GET1: variants seen among roughly 807,000 people sequenced by gnomAD.
GET1 encodes congenital heart disease 5 protein.
A neutral mutation model predicts 22.6 loss-of-function variants in GET1; 20 were observed. The observed-to-expected ratio is 0.89, with a 90% CI of 0.62 to 1.29. The LOEUF (loss-of-function observed/expected upper bound fraction) is 1.29. Among genes scored for constraint, GET1 ranks in the 50% most tolerant of loss-of-function variants. The pLI is 0.00. For synonymous variants in GET1, 92 were observed against 83.8 expected, an observed-to-expected ratio of 1.10 and a Z score of -0.53; for missense variants, 209 against 219.9, an observed-to-expected ratio of 0.95 and a Z score of 0.31.
rs567978037 is a variant in GET1, at chr21:39,387,697, C to G, written c.103-3001C>G. The G allele has an allele frequency of 2.8e-4, 217 of 767,768 alleles. 5 individuals carry two copies. In the South Asian group the frequency reaches 5.9e-3, roughly 21 times the overall value. 47.6% of individuals were successfully genotyped at this position (767,768 alleles called of 1,614,324 possible). A position where few individuals can be genotyped will look rare whatever the true frequency, so the allele number is the denominator to read the frequency against. Reference sequence around the variant, plus strand: ...CCCCCCCTACTCCCCACACTCCCCCCCCCCACTTTTGCCTCATCACGCAGG... The same window carrying G: ...CCCCCCCTACTCCCCACACTCCCCCGCCCCACTTTTGCCTCATCACGCAGG... On this transcript the variant is annotated intron_variant, in intron 1 of 4. Transcript: ENST00000649170.
At chr21:39,414,742 C>CTCTGTGTGTGTGTGTGTGTG (rs1341489035) in intron 1 of GET1, among the ~76,000 whole-genome samples, 47 of 99,226 alleles carry the variant, frequency 4.7e-4, no homozygotes, top group African/African-American at 2.0e-3. Context: ...CTCTCTCTCT[C>CTCTGTGTGTGTGTGTGTGTG]TGTGTGTGTG....
In GET1 at chr21:39,396,986, TC is replaced by T. The variant is rs748343169; in HGVS notation, c.*49del. On this transcript the variant is annotated 3_prime_UTR_variant, in exon 5 of 5. Coordinates refer to ENST00000649170, the MANE Select transcript of GET1 (RefSeq NM_004627.6). ...CGAGGCTAAAAAACGGATTTCCTCTTCCTAGCTTAAAATCTGATTTACACTG... is the reference window on the plus strand; with the variant it reads ...CGAGGCTAAAAAACGGATTTCCTCTTCTAGCTTAAAATCTGATTTACACTG... The T allele has an allele frequency of 3.1e-6, 5 of 1,595,510 alleles. No homozygotes were observed. In the Admixed American group the frequency reaches 5.1e-5, roughly 16 times the overall value.
Position 39,427,437 on chromosome 21 carries a change from C to T in GET1, c.*24-795C>T, listed in dbSNP as rs566743605. On this transcript the variant is annotated intron_variant, in intron 1 of 1. Transcript: ENST00000478273. The stretch of plus-strand genomic sequence containing the variant: ...CAGCACTTTGGGAGGCCGAGGCAGG[C>T]GGATCACGAGGTCAGGAGATCGAGA... 5.3e-5 allele frequency among the ~76,000 whole-genome samples: 8 copies of T among 151,914 alleles called. No homozygotes were observed. In the East Asian group the frequency reaches 1.2e-3, roughly 22 times the overall value.
intron 1 of GET1, among the ~76,000 whole-genome samples, chr21:39,417,811 G>A (rs368848563): frequency 1.3e-5 from 2 of 152,070 alleles, no homozygotes; most frequent in East Asian, 1.9e-4. Context: ...TGTCGCCCAG[G>A]CTGGAGTGCG....
At chr21:39,413,382 T>C (rs1319440549) in intron 1 of GET1, among the ~76,000 whole-genome samples, 1 of 152,244 alleles carries the variant, frequency 6.6e-6, no homozygotes, top group African/African-American at 2.4e-5. Context: ...GACAAGCTTT[T>C]ATCCATTTCT....
chr21:39,403,759 C>T (rs935881120), intron 4 of GET1, among the ~76,000 whole-genome samples: 8 of 149,964 alleles, frequency 5.3e-5, no homozygotes, highest in African/African-American at 4.9e-5. Flanking sequence ...GTAGCTGGGA[C>T]TACAGATGCT....
chr21:39,382,393 C>G (rs936990968), intron 1 of GET1, among the ~76,000 whole-genome samples: 1 of 152,156 alleles, frequency 6.6e-6, no homozygotes, highest in Non-Finnish European at 1.5e-5. Flanking sequence ...AACCGAAACT[C>G]TCGCACTCAT....
At chr21:39,392,908 A>C in intron 3 of GET1, 1 of 405,032 alleles carries the variant, frequency 2.5e-6, no homozygotes. Flanking sequence ...TCACATAGGA[A>C]GGCTCGCCTA....
intron 1 of GET1, chr21:39,380,901 C>T (rs2037515348): frequency 2.0e-6 from 2 of 990,660 alleles, no homozygotes; most frequent in Non-Finnish European, 2.4e-6. Flanking sequence ...ATCCTCGCGT[C>T]CAGGAGCCCA....
At position 39,390,720 on chromosome 21, in the gene GET1, A is replaced by G. The variant is rs1482838194; in HGVS notation, c.125A>G (p.Asp42Gly). 1.9e-6 allele frequency: 3 copies of G among 1,614,032 alleles called. No individual in the cohort carries two copies. The highest frequency in any genetic ancestry group is 2.5e-6 in the Non-Finnish European group (3 of 1,180,036). The stretch of plus-strand genomic sequence containing the variant: ...CAGATGTCCAGGGTGCTGCAGAAGG[A>G]CGCGGAGCAGGAGTCACAGATGAGA... ...SSFMSRVLQK[D>G]AEQESQMRAE... is the part of the protein sequence containing the mutation. Residue 42 changes from aspartate (D) to glycine (G), a missense_variant, in exon 2 of 5, where the codon GAC (aspartate) becomes GGC (glycine). Physicochemically the swap from Asp to Gly is moderately conservative, Grantham distance 94. Transcript: ENST00000649170.
chr21:39,411,716 A>T, intron 1 of GET1: 2 of 1,400,510 alleles, frequency 1.4e-6, no homozygotes, highest in Non-Finnish European at 2.0e-6. Context: ...ATTAAAACAT[A>T]CCTTTTGGAT....
At chr21:39,403,736 C>T (rs1296254563) in intron 4 of GET1, among the ~76,000 whole-genome samples, 1 of 151,802 alleles carries the variant, frequency 6.6e-6, no homozygotes, top group Non-Finnish European at 1.5e-5. Context: ...ATTCTCCTGC[C>T]TCAGCCTCCT....
At chr21:39,419,624 C>A (rs528258182) in intron 1 of GET1, among the ~76,000 whole-genome samples, 3 of 151,820 alleles carry the variant, frequency 2.0e-5, no homozygotes, top group Admixed American at 6.6e-5. Context: ...GATACTTTTA[C>A]GACGTGGGCC....
At chr21:39,417,348 G>GT (rs56725659) in intron 1 of GET1, among the ~76,000 whole-genome samples, 15 of 151,864 alleles carry the variant, frequency 9.9e-5, no homozygotes, top group East Asian at 1.9e-4. Flanking sequence ...CTGCTTTTTA[G>GT]TTTTTTTTAC....
chr21:39,412,614 A>G (rs2040297058), intron 1 of GET1, among the ~76,000 whole-genome samples: 1 of 151,286 alleles, frequency 6.6e-6, no homozygotes, highest in East Asian at 1.9e-4. Context: ...ACACACACAC[A>G]CACACGGGGG....
chr21:39,405,780 C>T lies in GET1; in HGVS notation c.350-134C>T. The T allele has an allele frequency of 4.7e-6, 4 of 847,104 alleles. No homozygotes were observed. In the Admixed American group the frequency reaches 9.7e-5, roughly 21 times the overall value. The allele number at this position is 847,104 out of a possible 1,614,324, so 52.5% of individuals were successfully genotyped here. A position where few individuals can be genotyped will look rare whatever the true frequency, so the allele number is the denominator to read the frequency against. On this transcript the variant is annotated intron_variant, in intron 4 of 4. Transcript: ENST00000415847. ...CGAAAGTCAATTAAGTACTAAAACA[C>T]ACACATACATACACTCCCTCTCTCA...
downstream of GET1, among the ~76,000 whole-genome samples, chr21:39,400,510 T>C (rs2837006): frequency 0.63 from 95,959 of 152,086 alleles, 31,217 homozygotes; most frequent in East Asian, 0.77. Flanking sequence ...ACTAGAGCCG[T>C]GTATGGAGTC....
chr21:39,384,431 A>AT (rs922662958), intron 1 of GET1, among the ~76,000 whole-genome samples: 23 of 149,360 alleles, frequency 1.5e-4, no homozygotes, highest in South Asian at 1.1e-3. Context: ...TAATTTTTGT[A>AT]TTTTTTTTAG....
chr21:39,419,482 G>T (rs955222409), intron 1 of GET1, among the ~76,000 whole-genome samples: 2 of 142,868 alleles, frequency 1.4e-5, no homozygotes, highest in Admixed American at 7.4e-5. Context: ...CCAGGATGGT[G>T]CCACCGCATT....
Sources: allele counts gnomAD v4.1 joint callset (sites outside exome capture counted in the v4.1 genomes callset), GRCh38; gene constraint gnomAD v4.1.1; transcripts MANE v1.5; gene names NCBI Gene and HGNC (gene_info 2026-07-23, HGNC 2026-07-21).